EDIL3: variants seen among roughly 807,000 people sequenced by gnomAD.
EDIL3 encodes EGF like and discoidin domains 3, also known as EGF-like repeat and discoidin I-like domain-containing protein 3.
In EDIL3, 37 loss-of-function variants were observed where a neutral mutation model predicts 67.4. That is an observed-to-expected ratio of 0.55 (90% CI 0.42 to 0.72). The LOEUF is 0.72. Among genes scored for constraint, EDIL3 ranks in the 30% least tolerant of loss-of-function variants. The pLI is 0.00. For missense variants in EDIL3, 527 were observed against 586.3 expected (o/e 0.90, Z 1.04); for synonymous variants, 195 against 196.3 (o/e 0.99, Z 0.05).
At chr5:84,003,091 A>G (rs542029621) in intron 9 of EDIL3, among the ~76,000 whole-genome samples, 1 of 152,222 alleles carries the variant, frequency 6.6e-6, no homozygotes, top group Admixed American at 6.5e-5. Context: ...AAAAAGCCCA[A>G]ATGTTTTATT....
intron 1 of EDIL3, among the ~76,000 whole-genome samples, chr5:84,288,055 G>A (rs568997343): frequency 6.6e-6 from 1 of 152,100 alleles, no homozygotes; most frequent in Non-Finnish European, 1.5e-5. Flanking sequence ...TGACTAATCT[G>A]CATCTCAAAT....
intron 4 of EDIL3, among the ~76,000 whole-genome samples, chr5:84,151,264 T>TACACACACACACAC (rs201338208): frequency 9.3e-5 from 12 of 129,558 alleles, no homozygotes; most frequent in African/African-American, 3.6e-4. Context: ...CACACGCACA[T>TACACACACACACAC]ACACACACAC....
chr5:84,073,493 GCAAAGTCTCAGGATA>G (rs1277420589), intron 6 of EDIL3, among the ~76,000 whole-genome samples: 2 of 152,122 alleles, frequency 1.3e-5, no homozygotes, highest in Non-Finnish European at 2.9e-5. Flanking sequence ...AGCAACTTCG[GCAAAGTCTCAGGATA>G]CAAAATCAAT....
chr5:84,331,499 C>T (rs1746870776), intron 1 of EDIL3, among the ~76,000 whole-genome samples: 1 of 152,104 alleles, frequency 6.6e-6, no homozygotes, highest in African/African-American at 2.4e-5. Flanking sequence ...GGGCTTTGCC[C>T]TGCCTTTGCT....
chr5:84,314,172 G>T (rs1401657028), intron 1 of EDIL3, among the ~76,000 whole-genome samples: 2 of 151,972 alleles, frequency 1.3e-5, no homozygotes, highest in African/African-American at 4.8e-5. Flanking sequence ...ATCCAGCCTG[G>T]GTGACAACAG....
chr5:84,227,277 T>C (rs1203543055), intron 3 of EDIL3, among the ~76,000 whole-genome samples: 2 of 151,850 alleles, frequency 1.3e-5, no homozygotes, highest in Non-Finnish European at 2.9e-5. Context: ...GCAAAGGACA[T>C]GGACAGACAC....
chr5:83,982,658 T>C (rs745606291), intron 9 of EDIL3, among the ~76,000 whole-genome samples: 1 of 152,182 alleles, frequency 6.6e-6, no homozygotes, highest in Non-Finnish European at 1.5e-5. Flanking sequence ...TAATTTCGTG[T>C]ATAATAATAA....
chr5:84,087,351 T>G (rs1747091805), intron 6 of EDIL3, among the ~76,000 whole-genome samples: 2 of 152,180 alleles, frequency 1.3e-5, no homozygotes, highest in Admixed American at 1.3e-4. Flanking sequence ...TTGTTCAAGG[T>G]GACAGTCAAT....
At chr5:84,040,324 G>A (rs1189070420) in intron 9 of EDIL3, among the ~76,000 whole-genome samples, 1 of 152,018 alleles carries the variant, frequency 6.6e-6, no homozygotes, top group African/African-American at 2.4e-5. Context: ...GACAGCAACA[G>A]TAAACTTAAT....
rs568551545 is a variant in EDIL3 at position 84,264,806 on chromosome 5, C to T, written c.68-10594G>A. 3.7e-4 allele frequency among the ~76,000 whole-genome samples: 57 copies of T among 152,096 alleles called. 1 individual carries two copies. The highest frequency in any genetic ancestry group is 5.2e-4 in the Admixed American group (8 of 15,272). On this transcript the variant is annotated intron_variant, in intron 1 of 10. Coordinates refer to ENST00000296591, the MANE Select transcript of EDIL3 (RefSeq NM_005711.5). Reference sequence around the variant, plus strand: ...TGATGGCAACAGTTAGTCCATCAATCTCTGTCAAGAACACAAACTCATACT... The same window carrying T: ...TGATGGCAACAGTTAGTCCATCAATTTCTGTCAAGAACACAAACTCATACT...
At chr5:83,974,817 T>C (rs1744852507) in intron 9 of EDIL3, among the ~76,000 whole-genome samples, 1 of 152,088 alleles carries the variant, frequency 6.6e-6, no homozygotes, top group African/African-American at 2.4e-5. Context: ...CTTCTGTTAT[T>C]GATGCTAATT....
chr5:84,236,365 T>A (rs376171706), intron 2 of EDIL3, among the ~76,000 whole-genome samples: 1 of 152,074 alleles, frequency 6.6e-6, no homozygotes, highest in Admixed American at 6.6e-5. Context: ...ATCTTTAAGT[T>A]AGGTGATTTG....
chr5:84,053,486 C>T (rs1392999526), intron 9 of EDIL3, among the ~76,000 whole-genome samples: 1 of 152,002 alleles, frequency 6.6e-6, no homozygotes, highest in African/African-American at 2.4e-5. Flanking sequence ...GACAGAGACA[C>T]AAAAAACCCT....
intron 1 of EDIL3, among the ~76,000 whole-genome samples, chr5:84,289,884 A>T (rs900813003): frequency 6.6e-6 from 1 of 152,238 alleles, no homozygotes; most frequent in Non-Finnish European, 1.5e-5. Context: ...AAATGAAAAC[A>T]TTAATAAATT....
At chr5:83,995,157 T>TACACACACACACACACAC (rs370763993) in intron 9 of EDIL3, among the ~76,000 whole-genome samples, 12 of 149,050 alleles carry the variant, frequency 8.1e-5, no homozygotes, top group African/African-American at 2.7e-4. Context: ...CACACACACA[T>TACACACACACACACACAC]ACACACACAC....
chr5:83,986,497 T>C (rs907465258), intron 9 of EDIL3, among the ~76,000 whole-genome samples: 1 of 152,160 alleles, frequency 6.6e-6, no homozygotes, highest in Admixed American at 6.6e-5. Flanking sequence ...TTATGCTGCA[T>C]GTTAATTGGT....
chr5:84,352,247 A>G (rs1580095498), intron 1 of EDIL3, among the ~76,000 whole-genome samples: 1 of 152,174 alleles, frequency 6.6e-6, no homozygotes, highest in South Asian at 2.1e-4. Flanking sequence ...AGAGCCAAAG[A>G]TAGAACTACC....
intron 5 of EDIL3, among the ~76,000 whole-genome samples, chr5:84,130,871 T>A (rs979362626): frequency 6.6e-6 from 1 of 152,114 alleles, no homozygotes; most frequent in African/African-American, 2.4e-5. Context: ...ACAGCAACTA[T>A]CTCCTATAAT....
At chr5:83,990,462 G>C (rs1745129533) in intron 9 of EDIL3, among the ~76,000 whole-genome samples, 1 of 145,242 alleles carries the variant, frequency 6.9e-6, no homozygotes, top group Non-Finnish European at 1.5e-5. Flanking sequence ...ACTCCAGTCT[G>C]CCGACCGAGT....
Sources: allele counts gnomAD v4.1 joint callset (sites outside exome capture counted in the v4.1 genomes callset), GRCh38; gene constraint gnomAD v4.1.1; transcripts MANE v1.5; gene names NCBI Gene and HGNC (gene_info 2026-07-23, HGNC 2026-07-21).